Variants in COL5A2 observed in about 807,000 individuals in gnomAD.
The protein encoded by COL5A2 is collagen type V alpha 2 chain, also known as collagen alpha-2(V) chain.
In COL5A2, 23 loss-of-function variants were observed where a neutral mutation model predicts 208.2. The observed-to-expected ratio is 0.11, with a 90% CI of 0.08 to 0.16. The LOEUF is 0.16. COL5A2 is among the 10% of genes least tolerant of loss of function. The pLI is 1.00. For synonymous variants in COL5A2, 625 were observed against 628.5 expected (o/e 0.99, Z 0.08); for missense variants, 1,590 against 1,956.4 (o/e 0.81, Z 3.53).
chr2:189,228,473 A>T (rs1689445005), upstream of COL5A2, among the ~76,000 whole-genome samples: 1 of 151,948 alleles, frequency 6.6e-6, no homozygotes, highest in Admixed American at 6.6e-5. Flanking sequence ...AGGAGACATT[A>T]CAATTGATGC....
At chr2:189,141,640 C>A (rs188203450) in intron 1 of COL5A2, among the ~76,000 whole-genome samples, 1 of 152,154 alleles carries the variant, frequency 6.6e-6, no homozygotes, top group African/African-American at 2.4e-5. Flanking sequence ...AAAGTTAGCA[C>A]GCTCATTTCC....
At chr2:189,422,972 G>A in the COL5A2 span, among the ~76,000 whole-genome samples, 14 of 149,720 alleles carry the variant, frequency 9.4e-5, no homozygotes, top group South Asian at 8.4e-4. Context: ...GTGGTGAGCC[G>A]AGATTGTGCC....
rs187936279 is a variant in COL5A2 at position 189,056,571 on chromosome 2, T to C, written c.2391+402A>G. 2.2e-3 allele frequency among the ~76,000 whole-genome samples: 325 copies of C among 149,722 alleles called. 1 individual carries two copies. Among genetic ancestry groups the C allele is most frequent in the African/African-American group, 6.7e-3 (276 of 41,292 alleles). ...GTAAATTTCTCACCCCAACATCCAA[T>C]ATACTGAGAAACATTTATCACAACT... On this transcript the variant is annotated intron_variant, in intron 35 of 53. Coordinates refer to ENST00000374866, the MANE Select transcript of COL5A2 (RefSeq NM_000393.5).
the COL5A2 span, among the ~76,000 whole-genome samples, chr2:189,293,908 A>G: frequency 6.6e-6 from 1 of 152,028 alleles, no homozygotes; most frequent in Non-Finnish European, 1.5e-5. Flanking sequence ...ACACGGTGAA[A>G]CCCCATCTCT....
intron 2 of COL5A2, among the ~76,000 whole-genome samples, chr2:189,108,442 G>C (rs897544713): frequency 1.3e-4 from 20 of 151,752 alleles, no homozygotes; most frequent in African/African-American, 4.3e-4. Flanking sequence ...ACTGTCTTCT[G>C]ACACTGGATA....
At chr2:189,244,882 A>G in the COL5A2 span, among the ~76,000 whole-genome samples, 1 of 152,196 alleles carries the variant, frequency 6.6e-6, no homozygotes, top group African/African-American at 2.4e-5. Context: ...GGTTTAATGG[A>G]CTTACAGTTC....
intron 6 of COL5A2, among the ~76,000 whole-genome samples, chr2:189,095,501 T>TAC (rs545646080): frequency 2.6e-4 from 39 of 151,434 alleles, no homozygotes; most frequent in South Asian, 4.2e-4. Flanking sequence ...CGCTCTTTCA[T>TAC]ACACACACAC....
Position 189,161,134 on chromosome 2 carries a change from T to G in COL5A2, c.97+18374A>C, listed in dbSNP as rs141665236. On this transcript the variant is annotated intron_variant, in intron 1 of 53. Transcript: ENST00000374866. ...CGCGCCCGGCTGTACTTTTTTTTTA[T>G]CTAGATGCCATCCTCTTGTCCTTCC... Among the ~76,000 whole-genome samples the G allele has an allele frequency of 2.6e-5, 4 of 151,052 alleles. No homozygotes were observed. In the East Asian group the frequency reaches 7.8e-4, roughly 29 times the overall value.
Position 189,210,425 on chromosome 2 carries a change from T to G in COL5A2, c.-42+14723A>C, listed in dbSNP as rs1022030927. Among the ~76,000 whole-genome samples the G allele has an allele frequency of 2.8e-4, 34 of 119,708 alleles. 1 individual carries two copies. Among genetic ancestry groups the G allele is most frequent in the African/African-American group, 9.0e-4 (33 of 36,808 alleles). The allele number at this position is 119,708 out of a possible 152,430, so 78.5% of individuals were successfully genotyped here. On this transcript the variant is annotated intron_variant, in intron 1 of 10. Transcript: ENST00000649966. ...CTTGATTAAAATATTTTACATTTGT[T>G]GAGCTTGAAAAAAAAAAAAAAGGAC...
At chr2:189,400,725 A>G in the COL5A2 span, among the ~76,000 whole-genome samples, 5 of 152,216 alleles carry the variant, frequency 3.3e-5, no homozygotes, top group Non-Finnish European at 7.3e-5. Context: ...CAAAATGCAT[A>G]TCTCACTGGT....
chr2:189,076,312 G>A (rs1686403917), intron 16 of COL5A2, among the ~76,000 whole-genome samples: 1 of 152,160 alleles, frequency 6.6e-6, no homozygotes, highest in South Asian at 2.1e-4. Flanking sequence ...GGATTTGTAA[G>A]CTGGATTTCC....
chr2:189,430,628 G>C, the COL5A2 span, among the ~76,000 whole-genome samples: 1 of 152,254 alleles, frequency 6.6e-6, no homozygotes, highest in Admixed American at 6.5e-5. Flanking sequence ...AGCCTGGCTG[G>C]AGGAGGGGCA....
chr2:189,416,354 A>G, the COL5A2 span, among the ~76,000 whole-genome samples: 1 of 152,230 alleles, frequency 6.6e-6, no homozygotes, highest in Non-Finnish European at 1.5e-5. Context: ...AATGTGGCAC[A>G]TATACACCAT....
chr2:189,054,044 A>C, intron 36 of COL5A2, 96 bp from the exon 37 acceptor site: 1 of 1,429,838 alleles, frequency 7.0e-7, no homozygotes, highest in Non-Finnish European at 9.9e-7. Context: ...GTGGAAAAGA[A>C]CTCTGAAATG....
intron 5 of COL5A2, among the ~76,000 whole-genome samples, chr2:189,098,248 G>A (rs1451579186): frequency 6.6e-6 from 1 of 152,140 alleles, no homozygotes; most frequent in Non-Finnish European, 1.5e-5. Flanking sequence ...TGAAGTGTGT[G>A]TATATGTTAT....
intron 1 of COL5A2, among the ~76,000 whole-genome samples, chr2:189,220,234 C>T (rs1321358146): frequency 6.6e-6 from 1 of 152,286 alleles, no homozygotes; most frequent in South Asian, 2.1e-4. Context: ...ACAGTCATAA[C>T]ACCCATTTTC....
the COL5A2 span, among the ~76,000 whole-genome samples, chr2:189,264,170 T>A: frequency 6.6e-6 from 1 of 151,660 alleles, no homozygotes; most frequent in African/African-American, 2.4e-5. Context: ...ATAGCAAAAA[T>A]ACAAAGAATG....
chr2:189,037,033 CCA>C (rs1685457916), intron 51 of COL5A2, among the ~76,000 whole-genome samples: 1 of 152,010 alleles, frequency 6.6e-6, no homozygotes, highest in African/African-American at 2.4e-5. Flanking sequence ...CTCAAAACAT[CCA>C]TATGAAGGAA....
chr2:189,231,431 G>A, the COL5A2 span, among the ~76,000 whole-genome samples: 1 of 151,606 alleles, frequency 6.6e-6, no homozygotes, highest in Non-Finnish European at 1.5e-5. Context: ...CTGAAAGGTG[G>A]CCTCAGGAAA....
Sources: allele counts gnomAD v4.1 joint callset (sites outside exome capture counted in the v4.1 genomes callset), GRCh38; gene constraint gnomAD v4.1.1; transcripts MANE v1.5; gene names NCBI Gene and HGNC (gene_info 2026-07-23, HGNC 2026-07-21).